The following AAK1 variants were observed in gnomAD, a reference collection of about 807,000 sequenced individuals.
The protein encoded by AAK1 is AP2 associated kinase 1, also known as AP2-associated protein kinase 1.
In AAK1, 37 loss-of-function variants were observed where a neutral mutation model predicts 116.0. The observed-to-expected ratio is 0.32, with a 90% CI of 0.25 to 0.42. AAK1 has a LOEUF of 0.42. Ranked by LOEUF, AAK1 falls within the 10% of genes least tolerant of loss-of-function variation. The probability of loss-of-function intolerance (pLI) is 1.00; values close to 1 mark genes in which losing one functional copy is unlikely to be tolerated. For synonymous variants in AAK1, 458 were observed against 439.9 expected (o/e 1.04, Z -0.51); for missense variants, 919 against 1,170.6 (o/e 0.79, Z 3.14).
At chr2:69,538,030 C>G (rs1670549919) in intron 5 of AAK1, among the ~76,000 whole-genome samples, 2 of 152,232 alleles carry the variant, frequency 1.3e-5, no homozygotes, top group South Asian at 4.1e-4. Flanking sequence ...ACAATCAGCT[C>G]TCCTTATCTG....
At position 69,515,841 on chromosome 2, in the gene AAK1, A is replaced by C. The variant is rs1676560963; in HGVS notation, c.1498-1092T>G. Among the ~76,000 whole-genome samples, 3 of 151,048 alleles carry C rather than the reference A, an allele frequency of 2.0e-5. No individual in the cohort carries two copies. In the South Asian group the frequency reaches 6.2e-4, roughly 31 times the overall value. On this transcript the variant is annotated intron_variant, in intron 12 of 21. Transcript: ENST00000409085. ...GGGTTAACAAATTAGAAGATGTCAA[A>C]AAAAAAAAATAGCTGCCTACTTATA...
intron 2 of AAK1, among the ~76,000 whole-genome samples, chr2:69,611,653 C>G (rs79564841): frequency 0.031 from 4,642 of 152,160 alleles, 238 homozygotes; most frequent in African/African-American, 0.11. Context: ...ATACAACACC[C>G]AAAAGAACAG....
At chr2:69,520,797 G>C (rs1269124322) in intron 11 of AAK1, 37 bp downstream of exon 11, 20 of 1,514,486 alleles carry the variant, frequency 1.3e-5, no homozygotes, top group Non-Finnish European at 1.7e-5. Flanking sequence ...GAATAACAAA[G>C]AGGTGTATTG....
chr2:69,480,859 C>T lies in AAK1; in HGVS notation c.2569+1G>A, dbSNP rs773328708. 4.4e-6 allele frequency: 7 copies of T among 1,589,236 alleles called. No individual in the cohort carries two copies. The highest frequency in any genetic ancestry group is 6.0e-6 in the Non-Finnish European group (7 of 1,167,968). On this transcript the variant is annotated splice_donor_variant, in intron 19 of 21. Coordinates refer to ENST00000409085, the MANE Select transcript of AAK1 (RefSeq NM_014911.5). LOFTEE classifies it high-confidence loss of function. ...TGCAGCTGCAGAGACACCTGACTGACCTGTGCGATTCGAGGTCACAGATTC... is the reference window on the plus strand; with the variant it reads ...TGCAGCTGCAGAGACACCTGACTGATCTGTGCGATTCGAGGTCACAGATTC...
At chr2:69,626,053 G>T (rs1280477629) in intron 2 of AAK1, among the ~76,000 whole-genome samples, 1 of 151,992 alleles carries the variant, frequency 6.6e-6, no homozygotes, top group African/African-American at 2.4e-5. Context: ...AGTGAATGAA[G>T]TACCCTTTCT....
At chr2:69,574,052 T>C (rs918970965) in intron 2 of AAK1, among the ~76,000 whole-genome samples, 1 of 150,610 alleles carries the variant, frequency 6.6e-6, no homozygotes, top group Non-Finnish European at 1.5e-5. Flanking sequence ...ACATAAAAAA[T>C]AGAAGTCACT....
At position 69,553,210 on chromosome 2, in the gene AAK1, A is replaced by G. The variant is rs77690349; in HGVS notation, c.282+3650T>C. On this transcript the variant is annotated intron_variant, in intron 3 of 21. Coordinates refer to ENST00000409085, the MANE Select transcript of AAK1 (RefSeq NM_014911.5). Reference sequence around the variant, plus strand: ...AAGGCATATCATGAAATTTCAGAACATTAGAAACAAAGAGAAAATTTGTAA... The same window carrying G: ...AAGGCATATCATGAAATTTCAGAACGTTAGAAACAAAGAGAAAATTTGTAA... 4.7e-3 allele frequency among the ~76,000 whole-genome samples: 711 copies of G among 152,272 alleles called. 6 individuals carry two copies. Among genetic ancestry groups the G allele is most frequent in the African/African-American group, 0.016 (674 of 41,560 alleles).
chr2:69,579,718 T>C (rs530622915), intron 2 of AAK1, among the ~76,000 whole-genome samples: 1 of 152,370 alleles, frequency 6.6e-6, no homozygotes, highest in South Asian at 2.1e-4. Flanking sequence ...CTCCTGTTCC[T>C]TAATTGCCAG....
intron 3 of AAK1, among the ~76,000 whole-genome samples, chr2:69,552,038 T>TA (rs759074710): frequency 3.9e-5 from 6 of 152,162 alleles, no homozygotes; most frequent in Non-Finnish European, 7.4e-5. Flanking sequence ...TCACAATTCT[T>TA]AGAGTCACTG....
rs1386971697 is a variant in AAK1, at chr2:69,525,253, C to G, written c.976-141G>C. 4.0e-6 allele frequency: 3 copies of G among 750,894 alleles called. No homozygotes were observed. In the African/African-American group the frequency reaches 5.3e-5, roughly 13 times the overall value. The allele number at this position is 750,894 out of a possible 1,614,324, so 46.5% of individuals were successfully genotyped here. A position where few individuals can be genotyped will look rare whatever the true frequency, so the allele number is the denominator to read the frequency against. On this transcript the variant is annotated intron_variant, in intron 9 of 21. Transcript: ENST00000409085. ...TGGAGCAGCTTCCAGGCCCTGAGCT[C>G]TGTCTGGTAGAGGGAAGGAAAGTTA...
chr2:69,496,978 A>G (rs1264758565), intron 16 of AAK1, among the ~76,000 whole-genome samples: 1 of 152,158 alleles, frequency 6.6e-6, no homozygotes, highest in East Asian at 1.9e-4. Flanking sequence ...ATATAGATTT[A>G]CAGAACTCTA....
chr2:69,610,848 T>G (rs1674046701), intron 2 of AAK1, among the ~76,000 whole-genome samples: 1 of 152,164 alleles, frequency 6.6e-6, no homozygotes, highest in African/African-American at 2.4e-5. Flanking sequence ...TAGCTATTAC[T>G]AAGAAAAAAC....
intron 2 of AAK1, among the ~76,000 whole-genome samples, chr2:69,630,329 G>A (rs990292910): frequency 1.7e-5 from 2 of 121,052 alleles, no homozygotes; most frequent in Middle Eastern, 4.0e-3. Context: ...TACTCTGAGT[G>A]GGGCGGGGGG....
chr2:69,539,313 TC>T (rs11310952), intron 5 of AAK1, among the ~76,000 whole-genome samples: 1,908 of 152,238 alleles, frequency 0.013, 52 homozygotes, highest in African/African-American at 0.044. Context: ...TATGCTCACC[TC>T]TCACAGCACT....
chr2:69,556,769 G>A (rs758428800), intron 3 of AAK1, 91 bp downstream of exon 3: 2 of 947,220 alleles, frequency 2.1e-6, no homozygotes, highest in Non-Finnish European at 3.3e-6. Context: ...ACCATCTCAG[G>A]GAAGGGAACA....
intron 2 of AAK1, among the ~76,000 whole-genome samples, chr2:69,590,910 T>C (rs1672999204): frequency 6.6e-6 from 1 of 152,188 alleles, no homozygotes; most frequent in African/African-American, 2.4e-5. Flanking sequence ...ATTGGAGCGA[T>C]AAGGCATGAG....
intron 2 of AAK1, among the ~76,000 whole-genome samples, chr2:69,601,599 T>C (rs1673583181): frequency 1.3e-5 from 2 of 152,124 alleles, no homozygotes; most frequent in Admixed American, 1.3e-4. Flanking sequence ...AGCCAATCAC[T>C]ATTCTCAAGA....
At chr2:69,544,157 T>A in intron 4 of AAK1, 1 of 322,146 alleles carries the variant, frequency 3.1e-6, no homozygotes, top group Non-Finnish European at 5.8e-6. Context: ...TTATAAAGCA[T>A]CACAAAGAAC....
At chr2:69,531,573 T>C in intron 6 of AAK1, 1 of 986,732 alleles carries the variant, frequency 1.0e-6, no homozygotes, top group Non-Finnish European at 1.2e-6. Context: ...TGATTCAGTA[T>C]CTGCAGAGAC....
Sources: gnomAD v4.1 joint callset for allele counts (sites outside exome capture counted in the v4.1 genomes callset) on GRCh38, gnomAD v4.1.1 for gene constraint, MANE v1.5 for transcripts, NCBI Gene and HGNC (gene_info 2026-07-23, HGNC 2026-07-21) for gene names.